CLUAP1: variants seen among roughly 807,000 people sequenced by gnomAD.
The protein encoded by CLUAP1 is intraflagellar transport 38.
CLUAP1 carries 50 observed loss-of-function variants against 55.0 expected under a neutral mutation model. The observed-to-expected ratio is 0.91, with a 90% CI of 0.72 to 1.15. The LOEUF is 1.15. Among genes scored for constraint, CLUAP1 ranks in the 50% most tolerant of loss-of-function variants. The pLI is 0.00. For missense variants in CLUAP1, 530 were observed against 507.6 expected (o/e 1.04, Z -0.42); for synonymous variants, 195 against 175.4 (o/e 1.11, Z -0.88).
At chr16:3,502,289 A>C (rs1567420056) in intron 1 of CLUAP1, among the ~76,000 whole-genome samples, 1 of 152,020 alleles carries the variant, frequency 6.6e-6, no homozygotes, top group Non-Finnish European at 1.5e-5. Flanking sequence ...CTAAAAATTC[A>C]AAAAATTAGC....
rs573060505 is a variant in CLUAP1, at chr16:3,518,196, G to T, written c.580-1707G>T. On this transcript the variant is annotated intron_variant, in intron 6 of 11. Transcript: ENST00000576634. The stretch of plus-strand genomic sequence containing the variant: ...TACAACAGGTTTTCCGTAAATTTTT[G>T]ATTGTTTCTAAATTTAAAAATTAAA... 9.2e-5 allele frequency among the ~76,000 whole-genome samples: 14 copies of T among 152,220 alleles called. No individual in the cohort carries two copies. The East Asian group carries it at 1.3e-3, about 15-fold the overall frequency.
At chr16:3,530,883 A>G (rs933741954) in intron 10 of CLUAP1, among the ~76,000 whole-genome samples, 1 of 152,118 alleles carries the variant, frequency 6.6e-6, no homozygotes, top group Non-Finnish European at 1.5e-5. Context: ...CTGTGATCCC[A>G]AGACTGGATG....
At chr16:3,496,661 G>T, upstream of CLUAP1, 2 of 533,372 alleles carry the variant, frequency 3.7e-6, no homozygotes, top group Non-Finnish European at 3.7e-6. Context: ...CCGGCATTTC[G>T]GCAAGGCCCT....
At chr16:3,519,821 C>T in intron 6 of CLUAP1, 82 bp from the exon 7 acceptor site, 1 of 1,425,998 alleles carries the variant, frequency 7.0e-7, no homozygotes, top group Middle Eastern at 2.0e-4. Flanking sequence ...GTTGCTATGC[C>T]TGAAGAGTTG....
chr16:3,525,580 CG>C (rs1285021650), intron 8 of CLUAP1, among the ~76,000 whole-genome samples: 1 of 151,930 alleles, frequency 6.6e-6, no homozygotes, highest in African/African-American at 2.4e-5. Context: ...TCTTTCTCAA[CG>C]GGGTCTCACT....
chr16:3,523,325 G>A, intron 8 of CLUAP1, 26 bp downstream of exon 8: 4 of 1,591,328 alleles, frequency 2.5e-6, no homozygotes, highest in Non-Finnish European at 3.4e-6. Context: ...CCTCTGTTCA[G>A]CCATTCCTTC....
Position 3,501,055 on chromosome 16 carries a change from G to C in CLUAP1, c.-13G>C. On this transcript the variant is annotated 5_prime_UTR_variant, in exon 1 of 12. Transcript: ENST00000576634. ...AGCAGTTGCGACCCTGGGCTCCTGG[G>C]GACCTGAGCGTTATGTCTTTCCGCG... 1.3e-6 allele frequency: 2 copies of C among 1,599,520 alleles called. No homozygotes were observed. The highest frequency in any genetic ancestry group is 1.3e-5 in the African/African-American group (1 of 74,836).
intron 1 of CLUAP1, among the ~76,000 whole-genome samples, chr16:3,501,656 C>A (rs192135005): frequency 5.3e-5 from 8 of 152,132 alleles, no homozygotes; most frequent in Admixed American, 1.3e-4. Flanking sequence ...GTGGCGGGCG[C>A]CTGTAATCCC....
chr16:3,503,762 T>G (rs532218637), intron 1 of CLUAP1, among the ~76,000 whole-genome samples: 6 of 152,292 alleles, frequency 3.9e-5, no homozygotes, highest in African/African-American at 1.4e-4. Context: ...AGTTAATTTT[T>G]TTTTTAATCT....
chr16:3,525,952 C>T (rs2037933166), intron 8 of CLUAP1, among the ~76,000 whole-genome samples: 1 of 152,162 alleles, frequency 6.6e-6, no homozygotes, highest in African/African-American at 2.4e-5. Context: ...CCCATCCTTA[C>T]CTGTCCCACC....
chr16:3,506,524 T>C (rs2037510119), intron 3 of CLUAP1, 109 bp downstream of exon 3: 1 of 900,146 alleles, frequency 1.1e-6, no homozygotes, highest in Non-Finnish European at 1.8e-6. Context: ...TTTCTTTTTT[T>C]TTGAGATGGA....
intron 5 of CLUAP1, among the ~76,000 whole-genome samples, chr16:3,515,000 T>C (rs2037702721): frequency 6.6e-6 from 1 of 152,140 alleles, no homozygotes; most frequent in East Asian, 1.9e-4. Context: ...TTGTTAGTGA[T>C]AGGCAACTGA....
At chr16:3,520,678 C>A (rs2037816556) in intron 7 of CLUAP1, among the ~76,000 whole-genome samples, 1 of 152,124 alleles carries the variant, frequency 6.6e-6, no homozygotes, top group Admixed American at 6.5e-5. Flanking sequence ...TAAGATCTTG[C>A]CATAAATTAG....
At chr16:3,501,607 A>T (rs1437971810) in intron 1 of CLUAP1, among the ~76,000 whole-genome samples, 1 of 151,952 alleles carries the variant, frequency 6.6e-6, no homozygotes, top group African/African-American at 2.4e-5. Context: ...ACATGGAGAA[A>T]CCCCGTCTCT....
chr16:3,537,998 CAAAAAAAAAAA>C lies in CLUAP1; in HGVS notation c.*1739_*1749del, dbSNP rs34360832. 3.0e-4 allele frequency: 11 copies of C among 36,722 alleles called. 1 individual carries two copies. In the South Asian group the frequency reaches 0.011, roughly 36 times the overall value. 2.3% of individuals were successfully genotyped at this position (36,722 alleles called of 1,614,324 possible). On this transcript the variant is annotated 3_prime_UTR_variant, in exon 12 of 12. Coordinates refer to ENST00000576634, the MANE Select transcript of CLUAP1 (RefSeq NM_015041.3). ...TGGGCAGCAGAGTGAGACTCCATCT[CAAAAAAAAAAA>C]AAAAAAAAAAAGCATACAGTAAATA... is the stretch of plus-strand genomic sequence containing the variant.
intron 5 of CLUAP1, among the ~76,000 whole-genome samples, chr16:3,514,703 C>G (rs558594478): frequency 6.6e-6 from 1 of 152,296 alleles, no homozygotes; most frequent in South Asian, 2.1e-4. Flanking sequence ...ACAGATGGTG[C>G]CTTGTTGCTG....
chr16:3,526,350 A>G lies in CLUAP1; in HGVS notation c.856-62A>G. 2.6e-6 allele frequency: 3 copies of G among 1,140,432 alleles called. No homozygotes were observed. In the South Asian group the frequency reaches 4.9e-5, roughly 19 times the overall value. The allele number at this position is 1,140,432 out of a possible 1,614,324, so 70.6% of individuals were successfully genotyped here. On this transcript the variant is annotated intron_variant, in intron 8 of 11. Coordinates refer to ENST00000576634, the MANE Select transcript of CLUAP1 (RefSeq NM_015041.3). Reference sequence around the variant, plus strand: ...CTTAGCAGTCCTTACACAGTGGTGAAGAAGAATAGAACAGTCCAGAAAAGG... The same window carrying G: ...CTTAGCAGTCCTTACACAGTGGTGAGGAAGAATAGAACAGTCCAGAAAAGG...
upstream of CLUAP1, among the ~76,000 whole-genome samples, chr16:3,499,681 T>C (rs1358297207): frequency 6.6e-6 from 1 of 152,250 alleles, no homozygotes; most frequent in African/African-American, 2.4e-5. Flanking sequence ...TACACGTCTC[T>C]TTATCAGATA....
intron 2 of CLUAP1, among the ~76,000 whole-genome samples, chr16:3,505,186 A>G (rs909042532): frequency 2.0e-5 from 3 of 151,748 alleles, no homozygotes; most frequent in Admixed American, 6.6e-5. Flanking sequence ...CTGCAGTGCC[A>G]CTGATCATGC....
Sources: allele counts gnomAD v4.1 joint callset (sites outside exome capture counted in the v4.1 genomes callset), GRCh38; gene constraint gnomAD v4.1.1; transcripts MANE v1.5; gene names NCBI Gene and HGNC (gene_info 2026-07-23, HGNC 2026-07-21).